PDE7B: variants seen among roughly 807,000 people sequenced by gnomAD.
PDE7B encodes the protein 3',5'-cyclic-AMP phosphodiesterase 7B.
In PDE7B, 29 loss-of-function variants were observed where a neutral mutation model predicts 56.2. The ratio of observed to expected loss-of-function variants is 0.52; its 90% CI spans 0.38 to 0.70. PDE7B has a LOEUF of 0.70. PDE7B is among the 30% of genes least tolerant of loss of function. PDE7B has a pLI of 0.00. For synonymous variants in PDE7B, 197 were observed against 196.9 expected, an observed-to-expected ratio of 1.00 and a Z score of 0.00; for missense variants, 490 against 565.0, an observed-to-expected ratio of 0.87 and a Z score of 1.35.
At chr6:136,045,663 G>T (rs1271754307) in intron 2 of PDE7B, among the ~76,000 whole-genome samples, 1 of 151,966 alleles carries the variant, frequency 6.6e-6, no homozygotes, top group Admixed American at 6.6e-5. Flanking sequence ...GGGTCCAAGG[G>T]GCCAAGCTTA....
chr6:136,057,988 C>T (rs749391709), intron 2 of PDE7B, among the ~76,000 whole-genome samples: 10 of 152,106 alleles, frequency 6.6e-5, no homozygotes, highest in Non-Finnish European at 8.8e-5. Flanking sequence ...CCTTCTGCCT[C>T]GACCTTTAAA....
intron 1 of PDE7B, among the ~76,000 whole-genome samples, chr6:135,941,272 A>G (rs1226017061): frequency 1.3e-5 from 2 of 152,128 alleles, no homozygotes; most frequent in African/African-American, 2.4e-5. Flanking sequence ...TCCCCAAAAA[A>G]TGACTCTAGT....
intron 2 of PDE7B, among the ~76,000 whole-genome samples, chr6:136,057,201 A>T (rs760035573): frequency 9.9e-5 from 15 of 152,234 alleles, no homozygotes; most frequent in Non-Finnish European, 2.1e-4. Context: ...ATTTCTACTG[A>T]TTACCCAGAA....
intron 2 of PDE7B, among the ~76,000 whole-genome samples, chr6:136,088,681 G>C (rs186970519): frequency 5.9e-5 from 9 of 152,232 alleles, no homozygotes; most frequent in East Asian, 5.8e-4. Flanking sequence ...CAGTAGGCTG[G>C]GGGGATAGGA....
At chr6:136,134,411 C>A (rs1778172783) in intron 3 of PDE7B, among the ~76,000 whole-genome samples, 1 of 152,062 alleles carries the variant, frequency 6.6e-6, no homozygotes, top group African/African-American at 2.4e-5. Context: ...AATTTGCTCA[C>A]CACAAACCGT....
At chr6:136,068,367 GA>G (rs1271177433) in intron 2 of PDE7B, among the ~76,000 whole-genome samples, 6 of 151,656 alleles carry the variant, frequency 4.0e-5, no homozygotes, top group African/African-American at 1.2e-4. Context: ...TAAAGACCTG[GA>G]ATCAATAGAA....
intron 2 of PDE7B, among the ~76,000 whole-genome samples, chr6:135,963,373 A>G (rs1774941363): frequency 6.6e-6 from 1 of 152,186 alleles, no homozygotes; most frequent in South Asian, 2.1e-4. Flanking sequence ...AGGTACAGTT[A>G]TTTTGTGCAA....
chr6:136,118,107 A>C (rs2128443041), intron 3 of PDE7B, among the ~76,000 whole-genome samples: 1 of 152,288 alleles, frequency 6.6e-6, no homozygotes, highest in Middle Eastern at 3.4e-3. Context: ...GTCCATAATA[A>C]ATACAGTTGA....
intron 3 of PDE7B, among the ~76,000 whole-genome samples, chr6:136,125,614 A>G (rs1221962181): frequency 1.3e-5 from 2 of 152,058 alleles, no homozygotes; most frequent in African/African-American, 4.8e-5. Context: ...ATATAGGTAA[A>G]AATGAATTTA....
At chr6:135,868,748 G>A (rs908083517) in intron 1 of PDE7B, among the ~76,000 whole-genome samples, 2 of 152,168 alleles carry the variant, frequency 1.3e-5, no homozygotes, top group African/African-American at 2.4e-5. Flanking sequence ...GAGTACTTGT[G>A]TAATGAACAC....
Position 136,007,731 on chromosome 6 carries a change from C to T in PDE7B, c.82+60207C>T, listed in dbSNP as rs1306341000. 2.6e-5 allele frequency among the ~76,000 whole-genome samples: 4 copies of T among 151,120 alleles called. 1 individual carries two copies. The highest frequency in any genetic ancestry group is 2.0e-4 in the Admixed American group (3 of 15,140). ...TATATGTCCAGCAATTTATTCATCT[C>T]TTCTGGGTTTTCTAGTTTGTGTGCA... is the stretch of plus-strand genomic sequence containing the variant. On this transcript the variant is annotated intron_variant, in intron 2 of 12. Coordinates refer to ENST00000308191, the MANE Select transcript of PDE7B (RefSeq NM_018945.4).
intron 2 of PDE7B, among the ~76,000 whole-genome samples, chr6:136,030,541 T>C (rs1359467621): frequency 6.6e-6 from 1 of 152,254 alleles, no homozygotes; most frequent in Non-Finnish European, 1.5e-5. Context: ...CATTAGCCAC[T>C]GGCTACAGCA....
In PDE7B at chr6:136,148,753, G is replaced by T. The variant is rs117630709; in HGVS notation, c.319-334G>T. Among the ~76,000 whole-genome samples, 21 of 152,286 alleles carry T rather than the reference G, an allele frequency of 1.4e-4. No homozygotes were observed. The East Asian group carries it at 3.9e-3, about 28-fold the overall frequency. ...CCTCTCAAGAAAGGTGGTGTGAGAT[G>T]TGGAAAGGACAGAGGGCTGGAAGTC... On this transcript the variant is annotated intron_variant, in intron 4 of 12. Transcript: ENST00000308191.
chr6:135,906,336 C>T (rs552389667), intron 1 of PDE7B, among the ~76,000 whole-genome samples: 1 of 152,258 alleles, frequency 6.6e-6, no homozygotes, highest in Admixed American at 6.5e-5. Context: ...AATCTTTACC[C>T]GTTGAACTAC....
chr6:135,901,769 G>C (rs1248604474), intron 1 of PDE7B, among the ~76,000 whole-genome samples: 3 of 152,266 alleles, frequency 2.0e-5, no homozygotes, highest in African/African-American at 7.2e-5. Context: ...TAGTTTTACT[G>C]TACACAAAAT....
At chr6:136,022,459 C>T (rs777434599) in intron 2 of PDE7B, among the ~76,000 whole-genome samples, 3 of 152,276 alleles carry the variant, frequency 2.0e-5, no homozygotes, top group East Asian at 1.9e-4. Flanking sequence ...GCTCAGAATT[C>T]GCCTGATAAA....
intron 1 of PDE7B, among the ~76,000 whole-genome samples, chr6:135,858,126 T>G (rs1185802378): frequency 6.6e-6 from 1 of 152,088 alleles, no homozygotes; most frequent in Non-Finnish European, 1.5e-5. Flanking sequence ...TTATTTTATG[T>G]TTTTCATTTT....
At chr6:135,855,400 C>G (rs933665029) in intron 1 of PDE7B, among the ~76,000 whole-genome samples, 5 of 151,852 alleles carry the variant, frequency 3.3e-5, no homozygotes, top group African/African-American at 1.2e-4. Flanking sequence ...AATGAAAAAA[C>G]AAAAGGAGAA....
At position 136,038,505 on chromosome 6, in the gene PDE7B, A is replaced by G. The variant is rs772989183; in HGVS notation, c.83-70226A>G. On this transcript the variant is annotated intron_variant, in intron 2 of 12. Coordinates refer to ENST00000308191, the MANE Select transcript of PDE7B (RefSeq NM_018945.4). ...AAACAGAGAGGCATTCTGGACAATG[A>G]AGATGCTCTCCGCAGCTTTCCAGGT... 2.3e-5 allele frequency: 30 copies of G among 1,286,670 alleles called. No homozygotes were observed. The African/African-American group carries it at 4.2e-4, about 18-fold the overall frequency. 79.7% of individuals were successfully genotyped at this position (1,286,670 alleles called of 1,614,324 possible). A position where few individuals can be genotyped will look rare whatever the true frequency, so the allele number is the denominator to read the frequency against.
Sources: gnomAD v4.1 joint callset for allele counts (sites outside exome capture counted in the v4.1 genomes callset) on GRCh38, gnomAD v4.1.1 for gene constraint, MANE v1.5 for transcripts, NCBI Gene and HGNC (gene_info 2026-07-23, HGNC 2026-07-21) for gene names.